SLC3A2: variants seen among roughly 807,000 people sequenced by gnomAD.
SLC3A2 encodes the protein amino acid transporter heavy chain SLC3A2.
In SLC3A2, 32 loss-of-function variants were observed where a neutral mutation model predicts 48.5. That is an observed-to-expected ratio of 0.66 (90% CI 0.50 to 0.89). The LOEUF (loss-of-function observed/expected upper bound fraction) is 0.89. SLC3A2 is among the 40% of genes least tolerant of loss of function. The pLI is 0.00. For missense variants in SLC3A2, 587 were observed against 680.7 expected (o/e 0.86, Z 1.53); for synonymous variants, 277 against 288.8 (o/e 0.96, Z 0.41).
At chr11:62,866,163 G>T (rs904998491) in intron 1 of SLC3A2, among the ~76,000 whole-genome samples, 2 of 151,482 alleles carry the variant, frequency 1.3e-5, no homozygotes, top group African/African-American at 2.4e-5. Context: ...TGTCGCCCAG[G>T]CTGGAGTGCA....
chr11:62,882,780 CG>C (rs79118350), intron 2 of SLC3A2, 127 bp from the exon 3 acceptor site: 111,966 of 788,100 alleles, frequency 0.14, 11,056 homozygotes, highest in South Asian at 0.37. Context: ...GAATTTTGCC[CG>C]GGTTCAAATT....
In SLC3A2 at chr11:62,888,534, G is replaced by A; in HGVS notation, c.1431G>A (p.Leu477=). Residue 477 remains leucine (L), a synonymous_variant, in exon 9 of 9, where the codon CTG becomes CTA. Transcript: ENST00000338663. ...GGGATGTGGGCCTCTCGGCTGGACT[G>A]CAGGCCTCCGACCTGCCTGCCAGCG... ...NFGDVGLSAG[L]QASDLPASAS... The A allele has an allele frequency of 6.2e-7, 1 of 1,614,194 alleles. No individual in the cohort carries two copies. Among genetic ancestry groups the A allele is most frequent in the Non-Finnish European group, 8.5e-7 (1 of 1,180,038 alleles).
rs1230105414 is a variant in SLC3A2 at position 62,888,490 on chromosome 11, C to G, written c.1387C>G (p.Leu463Val). ...CCACTGGGACCAGAATGAGCGTTTT[C>G]TGGTAGTGCTTAACTTTGGGGATGT... ...IRHWDQNERF[L>V]VVLNFGDVGL... Residue 463 changes from leucine to valine, a missense_variant, in exon 9 of 9, where the codon CTG becomes GTG. Transcript: ENST00000338663. 1.9e-6 allele frequency: 3 copies of G among 1,614,248 alleles called. 1 individual carries two copies. The highest frequency in any genetic ancestry group is 2.2e-5 in the South Asian group (2 of 91,088).
chr11:62,872,304 G>A (rs1042850149), intron 1 of SLC3A2, among the ~76,000 whole-genome samples: 3 of 152,084 alleles, frequency 2.0e-5, no homozygotes, highest in East Asian at 1.9e-4. Context: ...ACTTGAACCC[G>A]GGAGTTCGAG....
At chr11:62,856,355 A>C (rs147692462) in exon 1 of SLC3A2, 1 of 1,612,680 alleles carries the variant, frequency 6.2e-7, no homozygotes, top group Non-Finnish European at 8.5e-7. Context: ...GCTGGTGTCC[A>C]GGGTCTCAGC....
At chr11:62,870,792 T>G in intron 1 of SLC3A2, 2 of 219,504 alleles carry the variant, frequency 9.1e-6, no homozygotes. Flanking sequence ...ACTCTTGGCC[T>G]CAGGTGATCC....
exon 1 of SLC3A2, chr11:62,856,369 G>A (rs1413562618): frequency 2.5e-6 from 4 of 1,611,566 alleles, no homozygotes; most frequent in Non-Finnish European, 8.5e-7. Context: ...TCTCAGCGCG[G>A]GGGACGACTC....
At chr11:62,872,246 G>C (rs1030782356) in intron 1 of SLC3A2, among the ~76,000 whole-genome samples, 1 of 152,138 alleles carries the variant, frequency 6.6e-6, no homozygotes, top group Non-Finnish European at 1.5e-5. Flanking sequence ...TTCATTAGCT[G>C]AGTGCAGTGG....
chr11:62,862,451 A>C (rs2085410654), intron 1 of SLC3A2, among the ~76,000 whole-genome samples: 1 of 151,186 alleles, frequency 6.6e-6, no homozygotes, highest in Non-Finnish European at 1.5e-5. Context: ...GAGGTTTGAG[A>C]CCAGCCTGGG....
intron 1 of SLC3A2, among the ~76,000 whole-genome samples, chr11:62,863,397 T>C (rs1451758219): frequency 6.6e-6 from 1 of 152,164 alleles, no homozygotes; most frequent in African/African-American, 2.4e-5. Flanking sequence ...TTCTTTAATT[T>C]TTTGGAGTGT....
chr11:62,881,793 C>T lies in SLC3A2; in HGVS notation c.425-100C>T, dbSNP rs2085643337. The T allele has an allele frequency of 7.2e-7, 1 of 1,383,202 alleles. No homozygotes were observed. The highest frequency in any genetic ancestry group is 1.0e-6 in the Non-Finnish European group (1 of 1,004,872). The allele number at this position is 1,383,202 out of a possible 1,614,324, so 85.7% of individuals were successfully genotyped here. On this transcript the variant is annotated intron_variant, in intron 1 of 8. Transcript: ENST00000338663. This position sits in a 1 kb window ranked among gnomAD's most constrained non-coding sequence, Gnocchi z 4.0. ...CCTTGCCTCCCTCTCTCCCCCTTTG[C>T]CCCCTCCCCGTCCCACCCTTAGGCG...
intron 1 of SLC3A2, among the ~76,000 whole-genome samples, chr11:62,862,123 C>A (rs1457246268): frequency 6.6e-6 from 1 of 151,406 alleles, no homozygotes; most frequent in Non-Finnish European, 1.5e-5. Context: ...TCAAGACCAG[C>A]CTGGGCAACA....
In SLC3A2 at chr11:62,888,421, T is replaced by A; in HGVS notation, c.1318T>A (p.Phe440Ile). 1 of 1,614,240 alleles carries A rather than the reference T, an allele frequency of 6.2e-7. No individual in the cohort carries two copies. Among genetic ancestry groups the A allele is most frequent in the South Asian group, 1.1e-5 (1 of 91,088 alleles). The stretch of plus-strand genomic sequence containing the variant: ...GGAGCGCTCCCTACTGCATGGGGAC[T>A]TCCACGCGTTCTCCGCTGGGCCTGG... The part of the protein sequence containing the change: ...SKERSLLHGD[F>I]HAFSAGPGLF... The change falls in exon 9 of 9, where the codon TTC becomes ATC. Residue 440 changes from phenylalanine (F) to isoleucine (I), a missense_variant. By Grantham distance (21) the Phe-to-Ile change is conservative. This residue lies in a region of SLC3A2 where 169 missense variants were observed against 204.4 expected (regional missense o/e 0.83). Coordinates refer to ENST00000338663, the MANE Select transcript of SLC3A2 (RefSeq NM_001013251.3).
At chr11:62,865,244 T>C (rs747696969) in intron 1 of SLC3A2, among the ~76,000 whole-genome samples, 4 of 152,096 alleles carry the variant, frequency 2.6e-5, no homozygotes, top group South Asian at 2.1e-4. Flanking sequence ...TCTTCAGTAA[T>C]TGAGTTTTGG....
intron 3 of SLC3A2, chr11:62,883,757 G>C (rs1383765293): frequency 6.7e-6 from 2 of 296,366 alleles, no homozygotes; most frequent in Non-Finnish European, 1.3e-5. Flanking sequence ...TTGGCATGAG[G>C]GGCGGTACCC....
At chr11:62,862,988 C>T (rs1414875642) in intron 1 of SLC3A2, among the ~76,000 whole-genome samples, 1 of 152,078 alleles carries the variant, frequency 6.6e-6, no homozygotes, top group Non-Finnish European at 1.5e-5. Flanking sequence ...GTGGCGTGAT[C>T]TCAGTTCACT....
upstream of SLC3A2, among the ~76,000 whole-genome samples, chr11:62,877,303 T>A (rs1183435377): frequency 6.6e-6 from 1 of 152,182 alleles, no homozygotes; most frequent in Non-Finnish European, 1.5e-5. Context: ...TCAATTGATC[T>A]GCCTGCCTTG....
At chr11:62,856,454 G>A (rs1409855065) in intron 1 of SLC3A2, 5 of 1,318,190 alleles carry the variant, frequency 3.8e-6, no homozygotes, top group Non-Finnish European at 4.3e-6. Context: ...ATGTCAGGAC[G>A]TAAGTGCTTC....
exon 1 of SLC3A2, chr11:62,856,187 C>CTCA (rs2085316471): frequency 9.2e-7 from 1 of 1,081,582 alleles, no homozygotes; most frequent in African/African-American, 1.6e-5. Context: ...CCTGGACTGA[C>CTCA]GGTCACGACT....
Sources: gnomAD v4.1 joint callset for allele counts (sites outside exome capture counted in the v4.1 genomes callset) on GRCh38, gnomAD v4.1.1 for gene constraint, gnomAD v4.1.1 regional missense constraint, Gnocchi (gnomAD v3.1) non-coding constraint, MANE v1.5 for transcripts, NCBI Gene and HGNC (gene_info 2026-07-23, HGNC 2026-07-21) for gene names.